The following EPHA6 variants were observed in gnomAD, a reference collection of about 807,000 sequenced individuals.
The protein encoded by EPHA6 is EPH receptor A6.
Under a neutral mutation model 112.0 loss-of-function variants are expected in EPHA6, and 50 were observed. That is an observed-to-expected ratio of 0.45 (90% CI 0.36 to 0.56). The LOEUF is 0.56. Ranked by LOEUF, EPHA6 falls within the 20% of genes least tolerant of loss-of-function variation. The pLI is 0.00. For missense variants in EPHA6, 1,280 were observed against 1,417.4 expected (o/e 0.90, Z 1.56); for synonymous variants, 529 against 490.7 (o/e 1.08, Z -1.03).
chr3:97,180,551 C>T (rs1276142857), intron 3 of EPHA6, among the ~76,000 whole-genome samples: 2 of 152,108 alleles, frequency 1.3e-5, no homozygotes, highest in Non-Finnish European at 2.9e-5. Context: ...GGTCCAAGAG[C>T]TCTTCAGTTA....
chr3:96,865,694 CAAAA>C (rs57565102), intron 1 of EPHA6, among the ~76,000 whole-genome samples: 38 of 82,006 alleles, frequency 4.6e-4, no homozygotes, highest in Admixed American at 4.6e-3. Context: ...AAAAAACAAA[CAAAA>C]AAAAAAAAAA....
chr3:97,125,679 T>C (rs905661672), intron 3 of EPHA6, among the ~76,000 whole-genome samples: 3 of 152,206 alleles, frequency 2.0e-5, no homozygotes, highest in African/African-American at 7.2e-5. Flanking sequence ...AAAAATTCTT[T>C]ATTATTATGT....
At chr3:96,894,232 C>T (rs538241265) in intron 2 of EPHA6, among the ~76,000 whole-genome samples, 1 of 152,284 alleles carries the variant, frequency 6.6e-6, no homozygotes, top group South Asian at 2.1e-4. Context: ...AAGAACTCAT[C>T]GATGACCCAC....
At chr3:96,837,597 G>C (rs1422422711) in intron 1 of EPHA6, among the ~76,000 whole-genome samples, 2 of 151,956 alleles carry the variant, frequency 1.3e-5, no homozygotes, top group Non-Finnish European at 2.9e-5. Flanking sequence ...TGTTTACCAG[G>C]TCAACATGTT....
chr3:97,550,395 T>G, intron 11 of EPHA6, among the ~76,000 whole-genome samples: 1 of 152,382 alleles, frequency 6.6e-6, no homozygotes, highest in Middle Eastern at 3.4e-3. Flanking sequence ...TGCTTATTGT[T>G]GATAATGCTC....
At chr3:97,740,658 C>G (rs541305579) in intron 16 of EPHA6, among the ~76,000 whole-genome samples, 1 of 152,222 alleles carries the variant, frequency 6.6e-6, no homozygotes, top group Non-Finnish European at 1.5e-5. Flanking sequence ...TATTTAGAAC[C>G]TCTTCTTTAA....
intron 5 of EPHA6, among the ~76,000 whole-genome samples, chr3:97,264,698 G>T (rs1235597286): frequency 6.6e-6 from 1 of 152,212 alleles, no homozygotes; most frequent in African/African-American, 2.4e-5. Context: ...TAGGAAGAAT[G>T]AGGTACACAG....
intron 11 of EPHA6, among the ~76,000 whole-genome samples, chr3:97,574,869 G>C (rs914809518): frequency 6.6e-6 from 1 of 152,040 alleles, no homozygotes; most frequent in African/African-American, 2.4e-5. Context: ...CCAAAAACTG[G>C]AGGGTGGGAA....
At chr3:97,285,677 A>G (rs953326321) in intron 5 of EPHA6, among the ~76,000 whole-genome samples, 15 of 152,138 alleles carry the variant, frequency 9.9e-5, no homozygotes, top group African/African-American at 3.6e-4. Flanking sequence ...TGCTGCAGTG[A>G]ACATGGGGTG....
At chr3:97,311,837 A>G (rs1300505716) in intron 5 of EPHA6, among the ~76,000 whole-genome samples, 1 of 142,766 alleles carries the variant, frequency 7.0e-6, no homozygotes, top group African/African-American at 2.8e-5. Context: ...TGTTCAAAAC[A>G]AAACAATAAT....
rs139314198 is a variant in EPHA6 at position 97,248,386 on chromosome 3, T to C, written c.1606+4099T>C. 9.0e-4 allele frequency among the ~76,000 whole-genome samples: 137 copies of C among 152,122 alleles called. 2 individuals are homozygous for C. Among genetic ancestry groups the C allele is most frequent in the African/African-American group, 2.9e-3 (122 of 41,554 alleles). ...TTTGATTTTAGTCTTCAGTGCATGA[T>C]AGGAAAACGAAGGTGTGTAGTTCAG... On this transcript the variant is annotated intron_variant, in intron 5 of 17. Coordinates refer to ENST00000389672, the MANE Select transcript of EPHA6 (RefSeq NM_001080448.3).
intron 3 of EPHA6, among the ~76,000 whole-genome samples, chr3:97,047,979 ATAT>A (rs1454844441): frequency 2.0e-5 from 3 of 152,274 alleles, no homozygotes; most frequent in Admixed American, 1.3e-4. Context: ...TCTCAAATAT[ATAT>A]TATATAGCTC....
At chr3:96,956,498 CA>C (rs1279326916) in intron 2 of EPHA6, among the ~76,000 whole-genome samples, 22 of 152,156 alleles carry the variant, frequency 1.4e-4, no homozygotes, top group African/African-American at 5.3e-4. Context: ...ATTTTCATTA[CA>C]TCTAATTAAA....
intron 1 of EPHA6, among the ~76,000 whole-genome samples, chr3:96,836,863 A>G (rs894613423): frequency 6.6e-6 from 1 of 152,166 alleles, no homozygotes; most frequent in African/African-American, 2.4e-5. Context: ...AGGGGAAAGT[A>G]AGTCTACCAT....
chr3:97,644,466 C>T (rs1237954666), intron 14 of EPHA6, among the ~76,000 whole-genome samples: 1 of 150,972 alleles, frequency 6.6e-6, no homozygotes, highest in East Asian at 1.9e-4. Context: ...AATAGAGACA[C>T]AAAAAACCCT....
At chr3:97,132,880 T>A (rs2075669491) in intron 3 of EPHA6, among the ~76,000 whole-genome samples, 1 of 152,028 alleles carries the variant, frequency 6.6e-6, no homozygotes, top group Non-Finnish European at 1.5e-5. Flanking sequence ...TGCTACTAAA[T>A]TCGTTGTATA....
intron 5 of EPHA6, among the ~76,000 whole-genome samples, chr3:97,248,382 A>G (rs1305545807): frequency 6.6e-6 from 1 of 152,078 alleles, no homozygotes; most frequent in East Asian, 1.9e-4. Flanking sequence ...TCTTCAGTGC[A>G]TGATAGGAAA....
intron 3 of EPHA6, among the ~76,000 whole-genome samples, chr3:97,081,050 T>A (rs994021692): frequency 6.6e-6 from 1 of 151,882 alleles, no homozygotes; most frequent in East Asian, 1.9e-4. Context: ...ATAGTTTTGT[T>A]TAGTTTTGTA....
At chr3:97,552,853 T>C (rs957387691) in intron 11 of EPHA6, among the ~76,000 whole-genome samples, 1 of 152,190 alleles carries the variant, frequency 6.6e-6, no homozygotes, top group Non-Finnish European at 1.5e-5. Context: ...TTTTTGAAAA[T>C]GTTTCATAAC....
Sources: allele counts gnomAD v4.1 joint callset (sites outside exome capture counted in the v4.1 genomes callset), GRCh38; gene constraint gnomAD v4.1.1; transcripts MANE v1.5; gene names NCBI Gene and HGNC (gene_info 2026-07-23, HGNC 2026-07-21).